Variants in SLC18A1 observed in about 807,000 individuals in gnomAD.
SLC18A1 encodes solute carrier family 18 member A1.
SLC18A1 carries 69 observed loss-of-function variants against 53.7 expected under a neutral mutation model. The observed-to-expected ratio is 1.28, with a 90% CI of 1.06 to 1.57. SLC18A1 has a LOEUF of 1.57. Among genes scored for constraint, SLC18A1 ranks in the 40% most tolerant of loss-of-function variants. The pLI is 0.00. For missense variants in SLC18A1, 932 were observed against 668.1 expected (o/e 1.40, Z -4.35); for synonymous variants, 320 against 248.1 (o/e 1.29, Z -2.72).
Position 20,145,571 on chromosome 8 carries a change from G to A in SLC18A1, c.*192C>T. 2.3e-6 allele frequency: 1 copy of A among 431,252 alleles called. No homozygotes were observed. Among genetic ancestry groups the A allele is most frequent in the Non-Finnish European group, 4.1e-6 (1 of 242,740 alleles). The allele number at this position is 431,252 out of a possible 1,614,324, so 26.7% of individuals were successfully genotyped here. On this transcript the variant is annotated 3_prime_UTR_variant, in exon 16 of 16. Coordinates refer to ENST00000276373, the MANE Select transcript of SLC18A1 (RefSeq NM_003053.4). Reference sequence around the variant, plus strand: ...AAAGATGGGCCACTGCGGCACCAAGGCATAGAGGAAGAGCTACAAGTTACA... The same window carrying A: ...AAAGATGGGCCACTGCGGCACCAAGACATAGAGGAAGAGCTACAAGTTACA...
Position 20,149,730 on chromosome 8 carries a change from G to A in SLC18A1, c.1095-3C>T. 6.2e-7 allele frequency: 1 copy of A among 1,613,618 alleles called. No individual in the cohort carries two copies. On this transcript the variant is annotated splice_region_variant and splice_polypyrimidine_tract_variant and intron_variant, in intron 11 of 15. Transcript: ENST00000276373. ...TCCCGATTAGGGAACACAGCCACCT[G>A]GAAGAAAAAAGCCATCATCAAACAC...
intron 1 of SLC18A1, 136 bp from the exon 2 acceptor site, chr8:20,181,223 T>G (rs2072421470): frequency 6.1e-6 from 2 of 325,254 alleles, no homozygotes; most frequent in Non-Finnish European, 5.7e-6. Context: ...CTGGTAAGCA[T>G]CGCTTACTAG....
intron 8 of SLC18A1, among the ~76,000 whole-genome samples, chr8:20,166,333 A>ATATATG (rs1295324127): frequency 1.7e-5 from 1 of 57,336 alleles, no homozygotes; most frequent in African/African-American, 8.8e-5. Context: ...ATATATATAC[A>ATATATG]CCACCAGGTG....
Position 20,181,067 on chromosome 8 carries a change from T to A in SLC18A1, c.-103A>T. The stretch of plus-strand genomic sequence containing the variant: ...CCTTTATGGAAGAGGGGAGGGAGTC[T>A]GCCCAGACGAAGGAAACTCACTATT... On this transcript the variant is annotated 5_prime_UTR_variant, in exon 2 of 16. Coordinates refer to ENST00000276373, the MANE Select transcript of SLC18A1 (RefSeq NM_003053.4). 1 of 1,399,624 alleles carries A rather than the reference T, an allele frequency of 7.1e-7. No individual in the cohort carries two copies. The highest frequency in any genetic ancestry group is 9.5e-7 in the Non-Finnish European group (1 of 1,054,530). The allele number at this position is 1,399,624 out of a possible 1,614,324, so 86.7% of individuals were successfully genotyped here.
intron 10 of SLC18A1, among the ~76,000 whole-genome samples, chr8:20,162,710 C>T (rs1006756941): frequency 2.0e-5 from 3 of 152,322 alleles, no homozygotes; most frequent in Admixed American, 1.3e-4. Flanking sequence ...TCTGAGACCT[C>T]GTCAGAATGA....
chr8:20,166,846 C>T (rs756746896), intron 8 of SLC18A1, among the ~76,000 whole-genome samples: 1 of 151,888 alleles, frequency 6.6e-6, no homozygotes, highest in Non-Finnish European at 1.5e-5. Context: ...AACTGTTTTC[C>T]TTATAAAAAG....
At chr8:20,146,748 C>T (rs1391348964) in intron 15 of SLC18A1, among the ~76,000 whole-genome samples, 5 of 149,538 alleles carry the variant, frequency 3.3e-5, no homozygotes, top group Non-Finnish European at 7.4e-5. Flanking sequence ...CTCTTGAACC[C>T]GGGAGGCAGA....
intron 10 of SLC18A1, among the ~76,000 whole-genome samples, chr8:20,156,505 T>C (rs906812748): frequency 6.6e-6 from 1 of 152,164 alleles, no homozygotes; most frequent in South Asian, 2.1e-4. Context: ...TAATGGGTAT[T>C]CAGTAATTGA....
chr8:20,155,157 G>T (rs898545275), intron 10 of SLC18A1, among the ~76,000 whole-genome samples: 13 of 152,188 alleles, frequency 8.5e-5, no homozygotes, highest in Admixed American at 6.5e-4. Context: ...AAGGCTCGCT[G>T]CCATCTTAGG....
At chr8:20,173,233 G>T in intron 5 of SLC18A1, 105 bp from the exon 6 acceptor site, 1 of 819,838 alleles carries the variant, frequency 1.2e-6, no homozygotes, top group South Asian at 1.7e-5. Flanking sequence ...ATCTTAGCTA[G>T]AGTTTCAGTT....
In SLC18A1 at chr8:20,177,762, C is replaced by G. The variant is rs912976122; in HGVS notation, c.547+673G>C. Among the ~76,000 whole-genome samples the G allele has an allele frequency of 2.6e-5, 4 of 152,308 alleles. No individual in the cohort carries two copies. In the South Asian group the frequency reaches 8.3e-4, roughly 32 times the overall value. ...CACAGGCTGCCTTCCCCTGCCTTAA[C>G]CTGCTAACGCTAACCCTTTTCATTC... is the stretch of plus-strand genomic sequence containing the variant. On this transcript the variant is annotated intron_variant, in intron 4 of 15. Transcript: ENST00000276373.
chr8:20,156,129 T>G (rs1312294346), intron 10 of SLC18A1, among the ~76,000 whole-genome samples: 1 of 152,138 alleles, frequency 6.6e-6, no homozygotes, highest in Non-Finnish European at 1.5e-5. Flanking sequence ...TTGAGTAAAT[T>G]AAAGGGATGC....
intron 10 of SLC18A1, among the ~76,000 whole-genome samples, chr8:20,159,662 AAG>A (rs1563739722): frequency 1.7e-4 from 25 of 143,332 alleles, no homozygotes; most frequent in Non-Finnish European, 2.1e-4. Context: ...AAAAAAAAAA[AAG>A]AAAGAAAAAG....
Position 20,145,879 on chromosome 8 carries a change from G to C in SLC18A1, c.1465-3C>G. The C allele has an allele frequency of 6.4e-7, 1 of 1,558,382 alleles. No homozygotes were observed. Among genetic ancestry groups the C allele is most frequent in the Non-Finnish European group, 8.8e-7 (1 of 1,142,276 alleles). On this transcript the variant is annotated splice_region_variant and splice_polypyrimidine_tract_variant and intron_variant, in intron 15 of 15. Transcript: ENST00000276373. Reference sequence around the variant, plus strand: ...GGGCAGTCCTGACTCAGAATAGCCTGCAGAGAGAGGCAAGAAGAGAAGCCA... The same window carrying C: ...GGGCAGTCCTGACTCAGAATAGCCTCCAGAGAGAGGCAAGAAGAGAAGCCA...
chr8:20,151,271 GC>G (rs1446403964), intron 10 of SLC18A1, among the ~76,000 whole-genome samples: 1 of 151,598 alleles, frequency 6.6e-6, no homozygotes, highest in Admixed American at 6.6e-5. Flanking sequence ...ACAGATGTGA[GC>G]CCCCACACCT....
At chr8:20,150,211 C>T (rs971486544) in intron 11 of SLC18A1, among the ~76,000 whole-genome samples, 1 of 152,202 alleles carries the variant, frequency 6.6e-6, no homozygotes, top group African/African-American at 2.4e-5. Flanking sequence ...TAAAGCTGTC[C>T]TTATTGTAGT....
At chr8:20,157,123 C>G (rs771260305) in intron 10 of SLC18A1, among the ~76,000 whole-genome samples, 24 of 152,132 alleles carry the variant, frequency 1.6e-4, no homozygotes, top group Non-Finnish European at 2.5e-4. Flanking sequence ...AGCATTAGGA[C>G]CATAGAGGAC....
chr8:20,147,709 A>C lies in SLC18A1; in HGVS notation c.1224T>G (p.Ser408=), dbSNP rs769935920. 1 of 1,613,530 alleles carries C rather than the reference A, an allele frequency of 6.2e-7. No individual in the cohort carries two copies. The highest frequency in any genetic ancestry group is 8.5e-7 in the Non-Finnish European group (1 of 1,179,850). ...GLGLAIGMVD[S]SMMPIMGHLV... is the part of the protein sequence containing the mutation. The stretch of plus-strand genomic sequence containing the variant: ...GGTGCCCCATGATGGGCATCATAGA[A>C]GAATCCACCATGCCTGTGGCCAGAG... Residue 408 remains serine, a synonymous_variant, in exon 14 of 16, where the codon TCT becomes TCG. Transcript: ENST00000276373.
chr8:20,179,076 T>A, intron 3 of SLC18A1, 45 bp downstream of exon 3: 1 of 1,558,428 alleles, frequency 6.4e-7, no homozygotes, highest in South Asian at 1.2e-5. Flanking sequence ...TTTCTAGTCC[T>A]CCTACTCCTG....
Sources: allele counts gnomAD v4.1 joint callset (sites outside exome capture counted in the v4.1 genomes callset), GRCh38; gene constraint gnomAD v4.1.1; transcripts MANE v1.5; gene names NCBI Gene and HGNC (gene_info 2026-07-23, HGNC 2026-07-21).